MCC: variants seen among roughly 807,000 people sequenced by gnomAD.
MCC encodes the protein colorectal mutant cancer protein.
In MCC, 90 loss-of-function variants were observed where a neutral mutation model predicts 116.2. The ratio of observed to expected loss-of-function variants is 0.77; its 90% CI spans 0.65 to 0.92. The LOEUF is 0.92. Among genes scored for constraint, MCC ranks in the 40% least tolerant of loss-of-function variants. The probability of loss-of-function intolerance (pLI) is 0.00; values close to 1 mark genes in which losing one functional copy is unlikely to be tolerated. For synonymous variants in MCC, 578 were observed against 510.5 expected (o/e 1.13, Z -1.78); for missense variants, 1,516 against 1,312.2 (o/e 1.16, Z -2.40).
At chr5:113,169,686 A>T (rs988748655) in intron 3 of MCC, among the ~76,000 whole-genome samples, 1 of 152,134 alleles carries the variant, frequency 6.6e-6, no homozygotes, top group African/African-American at 2.4e-5. Context: ...AAATGCATTG[A>T]CTTGACCTCT....
intron 15 of MCC, among the ~76,000 whole-genome samples, chr5:113,051,191 C>A (rs949685444): frequency 1.2e-4 from 18 of 152,024 alleles, no homozygotes; most frequent in African/African-American, 4.3e-4. Flanking sequence ...AACCCAGGAT[C>A]CTCAGGGCCC....
chr5:113,417,585 A>G (rs1156814558), intron 1 of MCC, among the ~76,000 whole-genome samples: 5 of 152,196 alleles, frequency 3.3e-5, no homozygotes, highest in African/African-American at 1.2e-4. Context: ...TCTAAAAGCC[A>G]ATGACATTAA....
At chr5:113,265,554 C>T (rs769571855) in intron 3 of MCC, among the ~76,000 whole-genome samples, 4 of 152,092 alleles carry the variant, frequency 2.6e-5, no homozygotes, top group Non-Finnish European at 5.9e-5. Flanking sequence ...ATTAGGGTAC[C>T]TTTGGTTGAA....
At chr5:113,423,065 G>A (rs779200036) in intron 1 of MCC, among the ~76,000 whole-genome samples, 7 of 152,100 alleles carry the variant, frequency 4.6e-5, no homozygotes, top group Non-Finnish European at 7.3e-5. Flanking sequence ...AATTTGAGTC[G>A]TCCAACACAC....
At chr5:113,269,363 C>T in intron 3 of MCC, 1 of 236,114 alleles carries the variant, frequency 4.2e-6, no homozygotes, top group Non-Finnish European at 6.9e-6. Context: ...GGCTAAATTC[C>T]TGTCTCTTGA....
At chr5:113,143,558 G>A (rs1359171573) in intron 4 of MCC, among the ~76,000 whole-genome samples, 198 bp from the exon 5 acceptor site, 1 of 152,190 alleles carries the variant, frequency 6.6e-6, no homozygotes. Context: ...GTGGATACTG[G>A]AGTCTTTGCC....
chr5:113,093,875 T>A (rs528513551), intron 8 of MCC, among the ~76,000 whole-genome samples: 6 of 152,350 alleles, frequency 3.9e-5, no homozygotes, highest in African/African-American at 1.4e-4. Context: ...TACGTAGCAG[T>A]ACTCACTGGG....
chr5:113,056,291 G>C (rs1158277151), intron 14 of MCC, among the ~76,000 whole-genome samples: 1 of 152,148 alleles, frequency 6.6e-6, no homozygotes, highest in Non-Finnish European at 1.5e-5. Context: ...AAAATTAGAA[G>C]TGTTTGTAAT....
chr5:113,318,277 TAGTA>T (rs1767335974), intron 3 of MCC, among the ~76,000 whole-genome samples: 1 of 152,138 alleles, frequency 6.6e-6, no homozygotes, highest in Admixed American at 6.5e-5. Flanking sequence ...GTCACAAAGC[TAGTA>T]AGTGCCCAAA....
intron 17 of MCC, among the ~76,000 whole-genome samples, chr5:113,043,243 C>T (rs185106982): frequency 3.0e-4 from 46 of 152,222 alleles, no homozygotes; most frequent in Non-Finnish European, 3.1e-4. Flanking sequence ...TAACACTGTC[C>T]CGGAAGTTTC....
At position 113,399,184 on chromosome 5, in the gene MCC, T is replaced by C. The variant is rs35568473; in HGVS notation, c.171-13972A>G. 1.3e-5 allele frequency among the ~76,000 whole-genome samples: 2 copies of C among 152,030 alleles called. 1 individual carries two copies. Among genetic ancestry groups the C allele is most frequent in the South Asian group, 4.1e-4 (2 of 4,822 alleles). On this transcript the variant is annotated intron_variant, in intron 1 of 18. Transcript: ENST00000408903. ...AATAGTATCAGTTAAGGAAGGAGATTATTTAAAATGTCAGTTATTGGCCAG... is the reference window on the plus strand; with the variant it reads ...AATAGTATCAGTTAAGGAAGGAGATCATTTAAAATGTCAGTTATTGGCCAG...
At chr5:113,172,156 A>G (rs536394741) in intron 3 of MCC, among the ~76,000 whole-genome samples, 2 of 152,346 alleles carry the variant, frequency 1.3e-5, no homozygotes, top group Admixed American at 6.5e-5. Context: ...GACACAGTTC[A>G]GCTCACACAA....
chr5:113,036,527 TC>T lies in MCC; in HGVS notation c.2756+7002del, dbSNP rs534218325. Among the ~76,000 whole-genome samples, 44 of 152,308 alleles carry T rather than the reference TC, an allele frequency of 2.9e-4. 1 individual carries two copies. The South Asian group carries it at 8.3e-3, about 29-fold the overall frequency. ...GCCCTGCAGAACTAAGGCTCAAGTG[TC>T]CCCAGATAATGAGGTTCTGCAGGTA... On this transcript the variant is annotated intron_variant, in intron 17 of 18. Coordinates refer to ENST00000408903, the MANE Select transcript of MCC (RefSeq NM_001085377.2).
Position 113,027,389 on chromosome 5 carries a change from A to G in MCC, c.2973T>C (p.His991=), listed in dbSNP as rs374284034. 1.2e-6 allele frequency: 2 copies of G among 1,613,918 alleles called. No homozygotes were observed. The highest frequency in any genetic ancestry group is 1.3e-5 in the African/African-American group (1 of 74,898). ...GCTTGAGCATCCTCACTTGGGTCTC[A>G]TGTCTCTCCACCATGGCCATCATCT... The part of the protein sequence containing the change: ...ESQMMAMVER[H]ETQVRMLKQR... The change falls in exon 19 of 19, where the codon CAT becomes CAC. Residue 991 remains histidine (H), a synonymous_variant. Transcript: ENST00000408903.
intron 3 of MCC, among the ~76,000 whole-genome samples, chr5:113,242,878 A>G (rs577268423): frequency 6.6e-6 from 1 of 152,372 alleles, no homozygotes; most frequent in East Asian, 1.9e-4. Context: ...GGAGTCAGTC[A>G]GGCAAGACCC....
chr5:113,064,758 G>T (rs1008661473), intron 13 of MCC, among the ~76,000 whole-genome samples: 65 of 152,290 alleles, frequency 4.3e-4, no homozygotes, highest in African/African-American at 1.5e-3. Context: ...GCCTCCAGGA[G>T]CCAGGTAAGT....
At chr5:113,394,469 C>T (rs1325879014) in intron 1 of MCC, among the ~76,000 whole-genome samples, 3 of 152,192 alleles carry the variant, frequency 2.0e-5, no homozygotes, top group Admixed American at 2.0e-4. Flanking sequence ...CCCATCAGAG[C>T]ATAGCTGGGC....
intron 1 of MCC, among the ~76,000 whole-genome samples, chr5:113,415,596 G>A (rs1163829990): frequency 1.3e-5 from 2 of 151,978 alleles, no homozygotes; most frequent in African/African-American, 4.8e-5. Flanking sequence ...CGTAGTTCTC[G>A]TGCCATGGTT....
In MCC at chr5:113,053,705, G is replaced by A. The variant is rs766453163; in HGVS notation, c.2448+20C>T. 1.3e-6 allele frequency: 2 copies of A among 1,574,234 alleles called. No individual in the cohort carries two copies. The highest frequency in any genetic ancestry group is 2.2e-5 in the South Asian group (2 of 89,878). On this transcript the variant is annotated intron_variant, in intron 15 of 18. Coordinates refer to ENST00000408903, the MANE Select transcript of MCC (RefSeq NM_001085377.2). ...TCCTCCTGGTGGCAGCCTAGCACATGGGACCCACCCACCACATACCTTCAT... is the reference window on the plus strand; with the variant it reads ...TCCTCCTGGTGGCAGCCTAGCACATAGGACCCACCCACCACATACCTTCAT...
Sources: gnomAD v4.1 joint callset for allele counts (sites outside exome capture counted in the v4.1 genomes callset) on GRCh38, gnomAD v4.1.1 for gene constraint, MANE v1.5 for transcripts, NCBI Gene and HGNC (gene_info 2026-07-23, HGNC 2026-07-21) for gene names.